SPATA6: variants seen among roughly 807,000 people sequenced by gnomAD.
SPATA6 encodes the protein spermatogenesis-associated protein 6.
SPATA6 carries 56 observed loss-of-function variants against 65.3 expected under a neutral mutation model. The observed-to-expected ratio is 0.86, with a 90% CI of 0.69 to 1.07. The LOEUF (loss-of-function observed/expected upper bound fraction) is 1.07. Ranked by LOEUF, SPATA6 falls within the 50% of genes least tolerant of loss-of-function variation. The pLI is 0.00. For synonymous variants in SPATA6, 199 were observed against 213.2 expected, an observed-to-expected ratio of 0.93 and a Z score of 0.58; for missense variants, 590 against 594.8, an observed-to-expected ratio of 0.99 and a Z score of 0.08.
chr1:48,339,569 A>G (rs1366222502), intron 11 of SPATA6, among the ~76,000 whole-genome samples: 3 of 151,992 alleles, frequency 2.0e-5, no homozygotes, highest in Admixed American at 6.6e-5. Context: ...AAAAATTGGT[A>G]TCTATAAAAA....
At chr1:48,350,772 C>A (rs920918257) in intron 11 of SPATA6, among the ~76,000 whole-genome samples, 6 of 151,882 alleles carry the variant, frequency 4.0e-5, no homozygotes, top group African/African-American at 1.4e-4. Context: ...ATCTTCATTA[C>A]TGTGCTTTAT....
chr1:48,373,671 TA>T (rs1647559590), intron 9 of SPATA6, among the ~76,000 whole-genome samples: 3 of 152,176 alleles, frequency 2.0e-5, no homozygotes, highest in African/African-American at 7.2e-5. Context: ...AAGTTTGACT[TA>T]CAGTTCCACA....
At chr1:48,267,771 T>TG in the SPATA6 span, among the ~76,000 whole-genome samples, 1 of 140,040 alleles carries the variant, frequency 7.1e-6, no homozygotes, top group South Asian at 2.5e-4. Flanking sequence ...TTTTTTTTTT[T>TG]TTTTTTGAGA....
chr1:48,454,930 A>G (rs1336579428), intron 1 of SPATA6, among the ~76,000 whole-genome samples: 3 of 152,238 alleles, frequency 2.0e-5, no homozygotes, highest in Non-Finnish European at 4.4e-5. Flanking sequence ...CCACACTATT[A>G]CGTTGAATAA....
At chr1:48,267,450 A>ATGAG in the SPATA6 span, among the ~76,000 whole-genome samples, 4 of 152,156 alleles carry the variant, frequency 2.6e-5, no homozygotes, top group South Asian at 8.3e-4. Flanking sequence ...GGCTTGGAGA[A>ATGAG]TGAGTGCAAA....
chr1:48,388,205 A>G (rs546226098), intron 8 of SPATA6, among the ~76,000 whole-genome samples: 1 of 152,242 alleles, frequency 6.6e-6, no homozygotes, highest in East Asian at 1.9e-4. Flanking sequence ...TAAGCCAATG[A>G]GCAAGTCTCA....
At chr1:48,405,847 C>T (rs1651650114) in intron 5 of SPATA6, among the ~76,000 whole-genome samples, 1 of 152,044 alleles carries the variant, frequency 6.6e-6, no homozygotes, top group Admixed American at 6.6e-5. Flanking sequence ...TGCTCTCTGA[C>T]CACAAATTAC....
intron 1 of SPATA6, among the ~76,000 whole-genome samples, chr1:48,467,304 A>G (rs990593559): frequency 3.9e-5 from 6 of 152,142 alleles, no homozygotes; most frequent in African/African-American, 1.4e-4. Context: ...AGCAAAAAGT[A>G]AGCATGGAAG....
intron 9 of SPATA6, among the ~76,000 whole-genome samples, chr1:48,382,531 G>A (rs1370149712): frequency 1.6e-4 from 16 of 97,256 alleles, no homozygotes; most frequent in Admixed American, 2.7e-4. Flanking sequence ...CCCAGTAGGG[G>A]CGGCCGGGCA....
chr1:48,404,500 T>C lies in SPATA6; in HGVS notation c.406-618A>G, dbSNP rs1009403191. Among the ~76,000 whole-genome samples, 12 of 152,182 alleles carry C rather than the reference T, an allele frequency of 7.9e-5. No homozygotes were observed. In the South Asian group the frequency reaches 2.5e-3, roughly 32 times the overall value. Reference sequence around the variant, plus strand: ...TAGGACTACAGGATACACCACCACATTCAGCTAATTTTTTCATTATTTTGT... The same window carrying C: ...TAGGACTACAGGATACACCACCACACTCAGCTAATTTTTTCATTATTTTGT... On this transcript the variant is annotated intron_variant, in intron 5 of 12. Coordinates refer to ENST00000371847, the MANE Select transcript of SPATA6 (RefSeq NM_019073.4).
chr1:48,438,308 A>AC (rs1323947594), intron 3 of SPATA6, among the ~76,000 whole-genome samples: 1 of 151,908 alleles, frequency 6.6e-6, no homozygotes, highest in Non-Finnish European at 1.5e-5. Flanking sequence ...GTACCATCGG[A>AC]CCCCTTTTGC....
chr1:48,404,106 T>C (rs2147949682), intron 5 of SPATA6, among the ~76,000 whole-genome samples: 1 of 152,322 alleles, frequency 6.6e-6, no homozygotes, highest in African/African-American at 2.4e-5. Flanking sequence ...ATTACTTTTA[T>C]AAAATAATTA....
At chr1:48,389,154 C>T (rs548366242) in intron 8 of SPATA6, among the ~76,000 whole-genome samples, 39 of 152,186 alleles carry the variant, frequency 2.6e-4, no homozygotes, top group African/African-American at 8.7e-4. Context: ...CTACAAAATA[C>T]GTTTGAAAGC....
At chr1:48,369,165 A>G (rs941847743) in intron 9 of SPATA6, among the ~76,000 whole-genome samples, 3 of 152,114 alleles carry the variant, frequency 2.0e-5, no homozygotes, top group African/African-American at 7.2e-5. Context: ...TTTGTCTCAG[A>G]GGAGTACCCG....
rs143581388 is a variant in SPATA6, at chr1:48,403,286, T to G, written c.486+516A>C. Among the ~76,000 whole-genome samples the G allele has an allele frequency of 4.0e-3, 614 of 152,294 alleles. 3 individuals are homozygous for G. Among genetic ancestry groups the G allele is most frequent in the African/African-American group, 0.014 (579 of 41,568 alleles). On this transcript the variant is annotated intron_variant, in intron 6 of 12. Transcript: ENST00000371847. ...GATCCTTAGGCTGGAATGTCCAAGA[T>G]TCTCTTGATCTGGCAGTACCAGTAT... is the stretch of plus-strand genomic sequence containing the variant.
At chr1:48,463,934 A>G (rs979977411) in intron 1 of SPATA6, among the ~76,000 whole-genome samples, 2 of 149,506 alleles carry the variant, frequency 1.3e-5, no homozygotes, top group African/African-American at 5.0e-5. Context: ...GAATAGTTCA[A>G]CATCAAAAAG....
At chr1:48,315,253 G>C (rs1431207307) in intron 11 of SPATA6, among the ~76,000 whole-genome samples, 1 of 152,080 alleles carries the variant, frequency 6.6e-6, no homozygotes, top group Non-Finnish European at 1.5e-5. Flanking sequence ...GAGAATTTTA[G>C]ACCAATATCC....
intron 11 of SPATA6, among the ~76,000 whole-genome samples, chr1:48,320,056 C>T (rs1179183148): frequency 6.6e-6 from 1 of 152,144 alleles, no homozygotes; most frequent in Admixed American, 6.5e-5. Context: ...TCTCTGAGAG[C>T]CCAGTCCCCA....
intron 9 of SPATA6, among the ~76,000 whole-genome samples, chr1:48,369,763 C>A (rs879533574): frequency 1.3e-5 from 2 of 152,224 alleles, no homozygotes; most frequent in South Asian, 2.1e-4. Flanking sequence ...CTTTGGCTTG[C>A]GCATGGTGCA....
Sources: gnomAD v4.1 joint callset for allele counts (sites outside exome capture counted in the v4.1 genomes callset) on GRCh38, gnomAD v4.1.1 for gene constraint, MANE v1.5 for transcripts, NCBI Gene and HGNC (gene_info 2026-07-23, HGNC 2026-07-21) for gene names.